Variants in EBF1 observed in about 807,000 individuals in gnomAD.
EBF1 encodes the protein EBF transcription factor 1, also known as transcription factor COE1.
Under a neutral mutation model 68.4 loss-of-function variants are expected in EBF1, and 10 were observed. That is an observed-to-expected ratio of 0.15 (90% CI 0.09 to 0.25). The LOEUF is 0.25. EBF1 is among the 10% of genes least tolerant of loss of function. The pLI, the probability that EBF1 is intolerant of heterozygous loss-of-function variation, is 1.00. For missense variants in EBF1, 509 were observed against 794.4 expected, an observed-to-expected ratio of 0.64 and a Z score of 4.32; for synonymous variants, 298 against 299.8, an observed-to-expected ratio of 0.99 and a Z score of 0.06.
chr5:158,824,172 A>G (rs1785495312), intron 7 of EBF1, among the ~76,000 whole-genome samples: 1 of 152,244 alleles, frequency 6.6e-6, no homozygotes. Flanking sequence ...TTACAACCAA[A>G]TATAATAATT....
chr5:158,707,300 C>A (rs1055659080), intron 15 of EBF1, among the ~76,000 whole-genome samples: 3 of 152,154 alleles, frequency 2.0e-5, no homozygotes, highest in Admixed American at 6.5e-5. Flanking sequence ...ACCTTTTATT[C>A]TTAATGAAAA....
At chr5:159,086,042 C>T (rs529021038) in intron 4 of EBF1, among the ~76,000 whole-genome samples, 1 of 152,104 alleles carries the variant, frequency 6.6e-6, no homozygotes, top group Non-Finnish European at 1.5e-5. Context: ...ATCGAAACCA[C>T]TTTTTATGGC....
At chr5:159,042,585 C>CTT (rs1469755367) in intron 6 of EBF1, among the ~76,000 whole-genome samples, 2 of 67,864 alleles carry the variant, frequency 2.9e-5, no homozygotes, top group African/African-American at 9.9e-5. Context: ...AAATTCTTTG[C>CTT]CTGTGTGTGT....
chr5:158,889,712 T>C (rs922194616), intron 6 of EBF1, among the ~76,000 whole-genome samples: 3 of 152,174 alleles, frequency 2.0e-5, no homozygotes, highest in Non-Finnish European at 4.4e-5. Context: ...AGGGAATATG[T>C]GTGAAGTCAT....
At chr5:158,951,266 G>T (rs1379179295) in intron 6 of EBF1, among the ~76,000 whole-genome samples, 2 of 152,156 alleles carry the variant, frequency 1.3e-5, no homozygotes, top group Non-Finnish European at 2.9e-5. Flanking sequence ...CTAAACAGTG[G>T]CTCTATTATA....
intron 6 of EBF1, among the ~76,000 whole-genome samples, chr5:159,045,456 G>C (rs1046785956): frequency 1.3e-5 from 2 of 150,216 alleles, no homozygotes; most frequent in Admixed American, 6.6e-5. Context: ...AAGAATCCTT[G>C]TCGTATTGGA....
intron 9 of EBF1, among the ~76,000 whole-genome samples, chr5:158,795,740 C>T (rs902226280): frequency 1.3e-5 from 2 of 152,186 alleles, no homozygotes; most frequent in Non-Finnish European, 1.5e-5. Flanking sequence ...AGTGCTTGGA[C>T]AGTACTGCAC....
At chr5:158,992,917 C>CTTTTTTT (rs148629320) in intron 6 of EBF1, among the ~76,000 whole-genome samples, 12 of 72,846 alleles carry the variant, frequency 1.6e-4, no homozygotes, top group Admixed American at 8.9e-4. Flanking sequence ...CTGTTTCTTT[C>CTTTTTTT]TTTTTTTTTT....
At position 159,098,750 on chromosome 5, in the gene EBF1, G is replaced by A. The variant is rs1387784731; in HGVS notation, c.134+595C>T. Among the ~76,000 whole-genome samples the A allele has an allele frequency of 2.1e-5, 3 of 146,084 alleles. No homozygotes were observed. The South Asian group carries it at 6.7e-4, about 33-fold the overall frequency. ...CGAAGAACGAAAGAAATGGAAGGAGGGAAGAGGGGAAGAAAGGAAGAGGAA... is the reference window on the plus strand; with the variant it reads ...CGAAGAACGAAAGAAATGGAAGGAGAGAAGAGGGGAAGAAAGGAAGAGGAA... On this transcript the variant is annotated intron_variant, in intron 1 of 15. Coordinates refer to ENST00000313708, the MANE Select transcript of EBF1 (RefSeq NM_024007.5).
chr5:158,852,178 A>G (rs1179976453), intron 6 of EBF1, among the ~76,000 whole-genome samples: 2 of 151,748 alleles, frequency 1.3e-5, no homozygotes, highest in East Asian at 3.9e-4. Context: ...CCAAAAAAAA[A>G]AGTACATATA....
chr5:159,037,961 C>G (rs1183065671), intron 6 of EBF1, among the ~76,000 whole-genome samples: 3 of 152,070 alleles, frequency 2.0e-5, no homozygotes, highest in African/African-American at 7.2e-5. Context: ...ACTGTTTCTG[C>G]ACAAATACCC....
chr5:158,936,289 C>T (rs1296516225), intron 6 of EBF1, among the ~76,000 whole-genome samples: 1 of 152,180 alleles, frequency 6.6e-6, no homozygotes, highest in East Asian at 1.9e-4. Context: ...ATATATATAG[C>T]AGAGAGCACA....
intron 6 of EBF1, among the ~76,000 whole-genome samples, chr5:158,881,565 G>A (rs1798909388): frequency 6.6e-6 from 1 of 152,190 alleles, no homozygotes; most frequent in Admixed American, 6.5e-5. Flanking sequence ...AGGTCTGTAT[G>A]TGCTGCGGGC....
Position 158,942,261 on chromosome 5 carries a change from G to C in EBF1, c.555-102151C>G, listed in dbSNP as rs144401990. 2.5e-3 allele frequency among the ~76,000 whole-genome samples: 386 copies of C among 152,232 alleles called. 2 individuals carry two copies. Among genetic ancestry groups the C allele is most frequent in the Non-Finnish European group, 4.3e-3 (292 of 68,016 alleles). Reference sequence around the variant, plus strand: ...CCTGTATATATGAAACCCCTATCTGGTAATATACAAAGAACATCAAATATA... The same window carrying C: ...CCTGTATATATGAAACCCCTATCTGCTAATATACAAAGAACATCAAATATA... On this transcript the variant is annotated intron_variant, in intron 6 of 15. Transcript: ENST00000313708.
intron 6 of EBF1, among the ~76,000 whole-genome samples, chr5:158,978,407 CTTAT>C (rs940688159): frequency 3.8e-4 from 58 of 152,308 alleles, no homozygotes; most frequent in African/African-American, 1.2e-3. Context: ...TCCCCCTTCC[CTTAT>C]TTATTTATTT....
chr5:158,965,111 A>G (rs1213554819), intron 6 of EBF1, among the ~76,000 whole-genome samples: 2 of 152,192 alleles, frequency 1.3e-5, no homozygotes, highest in African/African-American at 4.8e-5. Context: ...CTAACTCGTT[A>G]TGTAAGTTTT....
chr5:159,064,224 T>A (rs1776350331), intron 6 of EBF1, among the ~76,000 whole-genome samples: 1 of 152,182 alleles, frequency 6.6e-6, no homozygotes, highest in South Asian at 2.1e-4. Context: ...GAAAGTTAAT[T>A]GTGACATCAA....
At chr5:158,852,881 A>C (rs904125528) in intron 6 of EBF1, among the ~76,000 whole-genome samples, 8 of 152,182 alleles carry the variant, frequency 5.3e-5, no homozygotes, top group African/African-American at 1.9e-4. Flanking sequence ...GAACAGCTTC[A>C]GTTTAAACCT....
intron 6 of EBF1, among the ~76,000 whole-genome samples, chr5:159,025,198 T>C (rs1239781286): frequency 1.3e-5 from 2 of 152,214 alleles, no homozygotes; most frequent in Non-Finnish European, 2.9e-5. Context: ...AATCACCTCC[T>C]TGGTGTGGTG....
Sources: gnomAD v4.1 joint callset for allele counts (sites outside exome capture counted in the v4.1 genomes callset) on GRCh38, gnomAD v4.1.1 for gene constraint, MANE v1.5 for transcripts, NCBI Gene and HGNC (gene_info 2026-07-23, HGNC 2026-07-21) for gene names.